MSH3: variants seen among roughly 807,000 people sequenced by gnomAD.
The protein encoded by MSH3 is DNA mismatch repair protein Msh3.
In MSH3, 106 loss-of-function variants were observed where a neutral mutation model predicts 123.3. The ratio of observed to expected loss-of-function variants is 0.86; its 90% CI spans 0.73 to 1.01. The LOEUF (loss-of-function observed/expected upper bound fraction) is 1.01. Ranked by LOEUF, MSH3 falls within the 50% of genes least tolerant of loss-of-function variation. MSH3 has a pLI of 0.00. For missense variants in MSH3, 1,459 were observed against 1,347.6 expected, an observed-to-expected ratio of 1.08 and a Z score of -1.29; for synonymous variants, 515 against 481.4, an observed-to-expected ratio of 1.07 and a Z score of -0.91.
rs2112813851 is a variant in MSH3 at position 80,672,331 on chromosome 5, G to A, written c.880G>A (p.Val294Ile). ...SIPTHRLFVH[V>I]RRLVAKGYKV... ...ACCTACTCACAGACTGTTTGTTCAT[G>A]TACGCCGCCTGGTGGCAAAAGGATA... Residue 294 changes from valine (V) to isoleucine (I), a missense_variant, in exon 5 of 24, where the codon GTA (valine) becomes ATA (isoleucine). By Grantham distance (29) the Val-to-Ile change is conservative (BLOSUM62 3). Transcript: ENST00000265081. 2 of 1,613,842 alleles carry A rather than the reference G, an allele frequency of 1.2e-6. No homozygotes were observed. Among genetic ancestry groups the A allele is most frequent in the Non-Finnish European group, 1.7e-6 (2 of 1,179,800 alleles).
intron 17 of MSH3, among the ~76,000 whole-genome samples, chr5:80,780,537 C>T (rs1744391462): frequency 6.6e-6 from 1 of 152,166 alleles, no homozygotes; most frequent in South Asian, 2.1e-4. Context: ...AGCCTGCAGG[C>T]ATCAGTCTAA....
Position 80,665,275 on chromosome 5 carries a change from C to G in MSH3, c.491C>G (p.Pro164Arg), listed in dbSNP as rs752700097. The change falls in exon 3 of 24, where the codon CCA (proline) becomes CGA (arginine). Residue 164 changes from proline to arginine, a missense_variant. By Grantham distance (103) the Pro-to-Arg change is moderately radical. Transcript: ENST00000265081. ...ESLQERFAVL[P>R]KCTDFDDISL... ...CTGCAGGAGAGATTTGCAGTTCTGCCAAAATGTACTGATTTTGATGATATC... is the reference window on the plus strand; with the variant it reads ...CTGCAGGAGAGATTTGCAGTTCTGCGAAAATGTACTGATTTTGATGATATC... The G allele has an allele frequency of 6.2e-7, 1 of 1,613,890 alleles. No homozygotes were observed. The highest frequency in any genetic ancestry group is 8.5e-7 in the Non-Finnish European group (1 of 1,179,960).
At position 80,762,850 on chromosome 5, in the gene MSH3, T is replaced by TTATTTTATGTTATTTTATG. The variant is rs1561469673; in HGVS notation, c.1896+1173_1896+1174insATTTTATGTTATTTTATGT. On this transcript the variant is annotated intron_variant, in intron 13 of 23. Transcript: ENST00000265081. The stretch of plus-strand genomic sequence containing the variant: ...GTTATGTTATTTTATGTTATTTTAT[T>TTATTTTATGTTATTTTATG]TTATTTTATTTTTGAGACAGACTTT... 1.9e-4 allele frequency among the ~76,000 whole-genome samples: 10 copies of TTATTTTATGTTATTTTATG among 53,942 alleles called. No homozygotes were observed. The East Asian group carries it at 3.8e-3, about 20-fold the overall frequency. 35.4% of individuals were successfully genotyped at this position (53,942 alleles called of 152,430 possible).
chr5:80,785,419 A>G (rs1744488194), intron 17 of MSH3, among the ~76,000 whole-genome samples: 2 of 152,134 alleles, frequency 1.3e-5, no homozygotes, highest in South Asian at 4.1e-4. Flanking sequence ...ACCATCTCAC[A>G]CCAGTTAGAA....
At chr5:80,766,339 C>CTTTTTTTTT (rs1166492002) in intron 13 of MSH3, among the ~76,000 whole-genome samples, 9 of 78,210 alleles carry the variant, frequency 1.2e-4, no homozygotes, top group Non-Finnish European at 1.6e-4. Flanking sequence ...TGTTTTTTTC[C>CTTTTTTTTT]TTTTTTTTTT....
chr5:80,828,527 C>G (rs78009602), intron 20 of MSH3, among the ~76,000 whole-genome samples: 3 of 152,170 alleles, frequency 2.0e-5, no homozygotes, highest in Admixed American at 6.5e-5. Context: ...CAAATACATT[C>G]ATTCCATGTT....
chr5:80,741,138 T>C (rs1450297568), intron 10 of MSH3, among the ~76,000 whole-genome samples: 1 of 152,246 alleles, frequency 6.6e-6, no homozygotes, highest in African/African-American at 2.4e-5. Context: ...ATGTGGCTAC[T>C]GTGCTTGGCT....
intron 10 of MSH3, among the ~76,000 whole-genome samples, chr5:80,735,374 T>C (rs1482360313): frequency 9.8e-6 from 1 of 101,780 alleles, no homozygotes; most frequent in African/African-American, 4.2e-5. Context: ...ACAGTGAGAC[T>C]TCATCTCAAA....
intron 22 of MSH3, among the ~76,000 whole-genome samples, chr5:80,869,831 TAC>T (rs1375132984): frequency 0.014 from 661 of 48,778 alleles, 4 homozygotes; most frequent in Middle Eastern, 0.071. Context: ...TATACATATA[TAC>T]ATATATATAC....
intron 8 of MSH3, among the ~76,000 whole-genome samples, chr5:80,709,843 G>T (rs1750812053): frequency 6.6e-6 from 1 of 152,028 alleles, no homozygotes; most frequent in Non-Finnish European, 1.5e-5. Context: ...GTGGTATTTT[G>T]GGCAGTGGCA....
intron 19 of MSH3, among the ~76,000 whole-genome samples, chr5:80,805,351 C>G (rs1413644379): frequency 6.6e-6 from 1 of 152,180 alleles, no homozygotes; most frequent in African/African-American, 2.4e-5. Flanking sequence ...TCTCCATACA[C>G]TTAAGTCTTC....
chr5:80,837,539 T>C (rs897480695), intron 20 of MSH3, among the ~76,000 whole-genome samples: 7 of 152,002 alleles, frequency 4.6e-5, no homozygotes, highest in Admixed American at 6.6e-5. Context: ...GATCGTACCA[T>C]TGTACTCCAG....
chr5:80,683,819 C>T lies in MSH3; in HGVS notation c.1340+4726C>T, dbSNP rs113732412. On this transcript the variant is annotated intron_variant, in intron 8 of 23. Coordinates refer to ENST00000265081, the MANE Select transcript of MSH3 (RefSeq NM_002439.5). Reference sequence around the variant, plus strand: ...TTATTTTAGTCATTTCATAGTGTGACATTTTAGATTTAAGTCTTTAATCCA... The same window carrying T: ...TTATTTTAGTCATTTCATAGTGTGATATTTTAGATTTAAGTCTTTAATCCA... 2.6e-3 allele frequency among the ~76,000 whole-genome samples: 386 copies of T among 151,250 alleles called. 2 individuals are homozygous for T. The highest frequency in any genetic ancestry group is 9.1e-3 in the African/African-American group (375 of 41,182).
chr5:80,658,278 C>T (rs1643654), intron 2 of MSH3, among the ~76,000 whole-genome samples: 38,813 of 151,738 alleles, frequency 0.26, 5,082 homozygotes, highest in Middle Eastern at 0.34. Flanking sequence ...AGGCTGGTCT[C>T]AAACTCCTGG....
At chr5:80,828,635 A>C (rs1745362148) in intron 20 of MSH3, among the ~76,000 whole-genome samples, 2 of 152,212 alleles carry the variant, frequency 1.3e-5, no homozygotes, top group Admixed American at 6.5e-5. Flanking sequence ...TGAGCCTGTG[A>C]AATGAACGTG....
chr5:80,792,977 T>G, intron 19 of MSH3, 133 bp downstream of exon 19: 1 of 642,812 alleles, frequency 1.6e-6, no homozygotes, highest in Non-Finnish European at 2.8e-6. Context: ...GGACATAGTT[T>G]TATATTTACC....
At chr5:80,776,021 C>T (rs934091064) in intron 16 of MSH3, among the ~76,000 whole-genome samples, 12 of 151,996 alleles carry the variant, frequency 7.9e-5, no homozygotes, top group African/African-American at 2.7e-4. Flanking sequence ...TCCCGAGTAG[C>T]TGGGACCACA....
chr5:80,711,933 T>A (rs1650730), intron 8 of MSH3, among the ~76,000 whole-genome samples: 1 of 152,124 alleles, frequency 6.6e-6, no homozygotes, highest in Admixed American at 6.5e-5. Flanking sequence ...GGATTACAGG[T>A]GTGAGCCACC....
chr5:80,830,780 A>G (rs894345505), intron 20 of MSH3, among the ~76,000 whole-genome samples: 1 of 152,188 alleles, frequency 6.6e-6, no homozygotes, highest in African/African-American at 2.4e-5. Flanking sequence ...GGGCCAGGGA[A>G]CACTGTCATG....
Sources: allele counts gnomAD v4.1 joint callset (sites outside exome capture counted in the v4.1 genomes callset), GRCh38; gene constraint gnomAD v4.1.1; transcripts MANE v1.5; gene names NCBI Gene and HGNC (gene_info 2026-07-23, HGNC 2026-07-21).